The following ROR1 variants were observed in gnomAD, a reference collection of about 807,000 sequenced individuals.
ROR1 encodes the protein inactive tyrosine-protein kinase transmembrane receptor ROR1.
A neutral mutation model predicts 78.8 loss-of-function variants in ROR1; 19 were observed. The observed-to-expected ratio is 0.24, with a 90% confidence interval of 0.17 to 0.35. The LOEUF is 0.35. Ranked by LOEUF, ROR1 falls within the 10% of genes least tolerant of loss-of-function variation. The pLI is 1.00. For synonymous variants in ROR1, 386 were observed against 433.6 expected, an observed-to-expected ratio of 0.89 and a Z score of 1.36; for missense variants, 917 against 1,177.8, an observed-to-expected ratio of 0.78 and a Z score of 3.24.
intron 7 of ROR1, 112 bp from the exon 8 acceptor site, chr1:64,158,868 AT>A (rs1351135879): frequency 2.7e-6 from 2 of 734,544 alleles, no homozygotes; most frequent in Non-Finnish European, 2.3e-6. Context: ...CTCACAGTGG[AT>A]TTGTGTGTAT....
rs55945635 is a variant in ROR1 at position 64,081,768 on chromosome 1, C to CAAAAAAA, written c.482+31061_482+31067dup. ...CCTAGGTGACAGCGCGAGACACTGT[C>CAAAAAAA]AAAAAAAAAAAAAAAGCGGCAAAAT... On this transcript the variant is annotated intron_variant, in intron 4 of 8. Coordinates refer to ENST00000371079, the MANE Select transcript of ROR1 (RefSeq NM_005012.4). Among the ~76,000 whole-genome samples the CAAAAAAA allele has an allele frequency of 3.0e-4, 30 of 98,908 alleles. 1 individual carries two copies. Among genetic ancestry groups the CAAAAAAA allele is most frequent in the African/African-American group, 1.1e-3 (26 of 23,682 alleles). 64.9% of individuals were successfully genotyped at this position (98,908 alleles called of 152,430 possible).
At chr1:63,895,354 T>C (rs145745216) in intron 1 of ROR1, among the ~76,000 whole-genome samples, 1 of 152,320 alleles carries the variant, frequency 6.6e-6, no homozygotes, top group Non-Finnish European at 1.5e-5. Flanking sequence ...TTAGTTTGGC[T>C]ACACTGCTGG....
intron 1 of ROR1, among the ~76,000 whole-genome samples, chr1:63,928,378 A>G (rs1645724699): frequency 6.6e-6 from 1 of 152,148 alleles, no homozygotes; most frequent in Non-Finnish European, 1.5e-5. Context: ...GCACTCAGAG[A>G]CTGGGGTTGG....
At chr1:63,957,195 AC>A (rs1645990255) in intron 1 of ROR1, among the ~76,000 whole-genome samples, 1 of 152,188 alleles carries the variant, frequency 6.6e-6, no homozygotes, top group Non-Finnish European at 1.5e-5. Flanking sequence ...TTTCCTGAGA[AC>A]AGTGGTAGCC....
rs748040274 is a variant in ROR1 at position 64,178,749 on chromosome 1, G to A, written c.2708G>A (p.Gly903Asp). Residue 903 changes from glycine (G) to aspartate (D), a missense_variant, in exon 9 of 9, where the codon GGC becomes GAC. Gly to Asp is a moderately conservative substitution (Grantham distance 94). This residue lies in a region of ROR1 where 835 missense variants were observed against 1,069.8 expected (regional missense o/e 0.78). Coordinates refer to ENST00000371079, the MANE Select transcript of ROR1 (RefSeq NM_005012.4). The surrounding 1 kb of genome is among the most constrained non-coding windows in gnomAD (Gnocchi z 4.3). ...HPGGMGITVFGNKSQKPYKID... is the reference protein window; with the variant it reads ...HPGGMGITVFDNKSQKPYKID... The stretch of plus-strand genomic sequence containing the variant: ...GGTGGAATGGGTATCACCGTTTTTG[G>A]CAACAAATCTCAAAAACCCTACAAA... The A allele has an allele frequency of 6.2e-7, 1 of 1,613,886 alleles. No individual in the cohort carries two copies. Among genetic ancestry groups the A allele is most frequent in the African/African-American group, 1.3e-5 (1 of 74,930 alleles).
intron 1 of ROR1, among the ~76,000 whole-genome samples, chr1:63,899,321 G>A (rs1037858855): frequency 2.0e-5 from 3 of 152,168 alleles, no homozygotes; most frequent in South Asian, 2.1e-4. Flanking sequence ...AGAGTCTCCC[G>A]ACCACAAACC....
At chr1:64,140,477 T>G in intron 6 of ROR1, 51 bp downstream of exon 6, 1 of 1,550,040 alleles carries the variant, frequency 6.5e-7, no homozygotes, top group Non-Finnish European at 8.8e-7. Flanking sequence ...CAGCAACCTG[T>G]TGGCACAGGG....
intron 1 of ROR1, among the ~76,000 whole-genome samples, chr1:63,908,067 T>G (rs1445896700): frequency 6.6e-6 from 1 of 152,234 alleles, no homozygotes; most frequent in African/African-American, 2.4e-5. Flanking sequence ...TTGATTTATA[T>G]AATTACACTC....
intron 1 of ROR1, among the ~76,000 whole-genome samples, chr1:64,002,169 C>T (rs1388103571): frequency 7.3e-6 from 1 of 137,852 alleles, no homozygotes; most frequent in Non-Finnish European, 1.5e-5. Context: ...GAGTCTCGCT[C>T]TGTCACCAGG....
intron 4 of ROR1, among the ~76,000 whole-genome samples, chr1:64,114,899 T>G (rs879877390): frequency 6.6e-6 from 1 of 152,206 alleles, no homozygotes; most frequent in Non-Finnish European, 1.5e-5. Flanking sequence ...AAGACTTGTT[T>G]GCCTTTTATA....
intron 2 of ROR1, among the ~76,000 whole-genome samples, chr1:64,034,504 TA>T (rs1364018030): frequency 1.3e-5 from 2 of 152,160 alleles, no homozygotes; most frequent in Admixed American, 6.5e-5. Context: ...TAAGCATTTA[TA>T]GCAAAAATGA....
intron 1 of ROR1, among the ~76,000 whole-genome samples, chr1:63,940,906 A>G (rs1369296521): frequency 6.6e-6 from 1 of 152,200 alleles, no homozygotes; most frequent in Non-Finnish European, 1.5e-5. Context: ...TACGTGATGC[A>G]CTGGGAAGGG....
chr1:64,171,229 G>C (rs58161194), intron 8 of ROR1: 1 of 171,134 alleles, frequency 5.8e-6, no homozygotes, highest in African/African-American at 2.4e-5. Context: ...GGCTGGGAGC[G>C]CCTCACAATC....
chr1:63,907,324 C>G (rs1645537366), intron 1 of ROR1, among the ~76,000 whole-genome samples: 1 of 152,090 alleles, frequency 6.6e-6, no homozygotes, highest in Non-Finnish European at 1.5e-5. Flanking sequence ...TTAAGCCAGG[C>G]AAATTACTTA....
chr1:63,785,520 T>C (rs1644678855), intron 1 of ROR1, among the ~76,000 whole-genome samples: 1 of 147,804 alleles, frequency 6.8e-6, no homozygotes, highest in Admixed American at 6.7e-5. Context: ...TTTATTTATT[T>C]ATTTATTTAA....
At chr1:63,925,235 T>C (rs1263557516) in intron 1 of ROR1, among the ~76,000 whole-genome samples, 1 of 147,638 alleles carries the variant, frequency 6.8e-6, no homozygotes, top group Non-Finnish European at 1.5e-5. Flanking sequence ...CATTGTTCAA[T>C]TCTCACCTAT....
At chr1:64,062,823 T>C (rs1224931531) in intron 4 of ROR1, among the ~76,000 whole-genome samples, 1 of 152,180 alleles carries the variant, frequency 6.6e-6, no homozygotes, top group East Asian at 1.9e-4. Context: ...ATAATCTTGA[T>C]GATGTTAAAG....
intron 1 of ROR1, among the ~76,000 whole-genome samples, chr1:63,799,386 T>C (rs1644781808): frequency 1.3e-5 from 2 of 152,202 alleles, no homozygotes; most frequent in Admixed American, 1.3e-4. Context: ...ACTTCTCCAA[T>C]GCTAGCTGTG....
chr1:63,816,356 T>C (rs1312419859), intron 1 of ROR1, among the ~76,000 whole-genome samples: 1 of 152,212 alleles, frequency 6.6e-6, no homozygotes, highest in African/African-American at 2.4e-5. Flanking sequence ...GGAGCAGGTC[T>C]TTCCCATGCT....
Sources: allele counts gnomAD v4.1 joint callset (sites outside exome capture counted in the v4.1 genomes callset), GRCh38; gene constraint gnomAD v4.1.1; regional missense constraint gnomAD v4.1.1; non-coding constraint Gnocchi (gnomAD v3.1); transcripts MANE v1.5; gene names NCBI Gene and HGNC (gene_info 2026-07-23, HGNC 2026-07-21).